Variants in LINGO1 observed in about 807,000 individuals in gnomAD.
LINGO1 encodes the protein leucine-rich repeat and immunoglobulin-like domain-containing nogo receptor-interacting protein 1.
A neutral mutation model predicts 37.3 loss-of-function variants in LINGO1; 11 were observed. That is an observed-to-expected ratio of 0.29 (90% CI 0.19 to 0.49). LINGO1 has a LOEUF of 0.49. Ranked by LOEUF, LINGO1 falls within the 20% of genes least tolerant of loss-of-function variation. The probability of loss-of-function intolerance (pLI) is 0.99; values close to 1 mark genes in which losing one functional copy is unlikely to be tolerated. For synonymous variants in LINGO1, 387 were observed against 403.0 expected, an observed-to-expected ratio of 0.96 and a Z score of 0.48; for missense variants, 585 against 878.2, an observed-to-expected ratio of 0.67 and a Z score of 4.22.
chr15:77,730,816 C>T (rs912424535), intron 2 of LINGO1, among the ~76,000 whole-genome samples: 1 of 152,190 alleles, frequency 6.6e-6, no homozygotes, highest in African/African-American at 2.4e-5. Context: ...GAGGTGTGGC[C>T]CATGCCTCCC....
At chr15:77,633,369 C>T (rs2074327006), upstream of LINGO1, among the ~76,000 whole-genome samples, 2 of 151,750 alleles carry the variant, frequency 1.3e-5, no homozygotes, top group Non-Finnish European at 2.9e-5. Context: ...CGCACGAGGA[C>T]GGACAGGGCT....
upstream of LINGO1, chr15:77,820,662 C>G (rs986050578): frequency 6.6e-6 from 1 of 152,458 alleles, no homozygotes; most frequent in Non-Finnish European, 1.5e-5. Flanking sequence ...TCAGTTTACC[C>G]CCTTTGGGAA....
At chr15:77,760,049 G>A (rs2076459134) in intron 1 of LINGO1, among the ~76,000 whole-genome samples, 1 of 152,230 alleles carries the variant, frequency 6.6e-6, no homozygotes, top group Admixed American at 6.5e-5. Flanking sequence ...CCTGGGTGAC[G>A]ATTCTAAGGA....
intron 1 of LINGO1, among the ~76,000 whole-genome samples, chr15:77,783,341 T>C (rs2076739661): frequency 6.6e-6 from 1 of 151,922 alleles, no homozygotes; most frequent in Admixed American, 6.6e-5. Context: ...GATGAGCGGG[T>C]GAATGAAGGT....
intron 2 of LINGO1, among the ~76,000 whole-genome samples, chr15:77,707,981 C>T (rs998432227): frequency 5.9e-5 from 9 of 152,192 alleles, no homozygotes; most frequent in Admixed American, 1.3e-4. Context: ...AACCAGCCAG[C>T]GGGGAACCCT....
chr15:77,740,546 G>A (rs569584960), intron 1 of LINGO1, among the ~76,000 whole-genome samples: 5 of 152,244 alleles, frequency 3.3e-5, no homozygotes, highest in East Asian at 1.9e-4. Context: ...CACAGGTCAC[G>A]CTGTGGGGCC....
At chr15:77,674,783 C>T (rs1462268524) in intron 3 of LINGO1, among the ~76,000 whole-genome samples, 2 of 151,690 alleles carry the variant, frequency 1.3e-5, no homozygotes, top group Non-Finnish European at 2.9e-5. Flanking sequence ...GATTTTTTTT[C>T]GCCTTAGCAC....
chr15:77,642,304 C>T (rs1319855838), intron 3 of LINGO1, among the ~76,000 whole-genome samples: 1 of 152,206 alleles, frequency 6.6e-6, no homozygotes, highest in African/African-American at 2.4e-5. Context: ...ATGGGGGACC[C>T]CCACCCCCAG....
rs550567140 is a variant in LINGO1, at chr15:77,620,431, A to G, written c.7-4531T>C. Among the ~76,000 whole-genome samples the G allele has an allele frequency of 2.0e-5, 3 of 152,314 alleles. No homozygotes were observed. In the South Asian group the frequency reaches 6.2e-4, roughly 32 times the overall value. ...AGGTCCTAGGCTCTGCGCTGCCCCC[A>G]CAGTGGGAGGGACAGGCTGCTGGCC... On this transcript the variant is annotated intron_variant, in intron 1 of 1. Coordinates refer to ENST00000355300, the MANE Select transcript of LINGO1 (RefSeq NM_032808.7).
Position 77,641,990 on chromosome 15 carries a change from A to G in LINGO1, c.-12-26090T>C, listed in dbSNP as rs1222977970. ...ACCTGCCCTCTCTGAGCCGCTTTCC[A>G]TTCATGCCACCTGGGGATACTCATG... On this transcript the variant is annotated intron_variant, in intron 3 of 3. Coordinates refer to the LINGO1 transcript ENST00000559893. 8.8e-6 allele frequency: 4 copies of G among 456,662 alleles called. 1 individual carries two copies. Among genetic ancestry groups the G allele is most frequent in the South Asian group, 6.2e-5 (4 of 64,566 alleles). The allele number at this position is 456,662 out of a possible 1,614,324, so 28.3% of individuals were successfully genotyped here. A position where few individuals can be genotyped will look rare whatever the true frequency, so the allele number is the denominator to read the frequency against.
chr15:77,735,075 G>A (rs1241779208), intron 1 of LINGO1: 1 of 152,470 alleles, frequency 6.6e-6, no homozygotes, highest in African/African-American at 2.4e-5. Flanking sequence ...CAGCAGGGAA[G>A]AGGTGAGAGG....
rs1221405030 is a variant in LINGO1, at chr15:77,632,752, G to C, written c.-437C>G. Among the ~76,000 whole-genome samples, 4 of 146,018 alleles carry C rather than the reference G, an allele frequency of 2.7e-5. No individual in the cohort carries two copies. The East Asian group carries it at 6.0e-4, about 22-fold the overall frequency. The stretch of plus-strand genomic sequence containing the variant: ...CTGCTCGGCGCCCCGCGTCGGGAGA[G>C]GGGCCGGAGCGGCGCGGGTGGGGAC... On this transcript the variant is annotated 5_prime_UTR_variant, in exon 1 of 2. Coordinates refer to ENST00000355300, the MANE Select transcript of LINGO1 (RefSeq NM_032808.7). The surrounding 1 kb of genome is among the most constrained non-coding windows in gnomAD (Gnocchi z 6.0).
intron 1 of LINGO1, among the ~76,000 whole-genome samples, chr15:77,812,981 C>A (rs999035051): frequency 6.6e-6 from 1 of 152,210 alleles, no homozygotes; most frequent in Non-Finnish European, 1.5e-5. Flanking sequence ...GCCACAGAGG[C>A]CCCAAGGGAG....
intron 2 of LINGO1, among the ~76,000 whole-genome samples, chr15:77,702,000 C>T (rs2075789777): frequency 6.6e-6 from 1 of 152,140 alleles, no homozygotes; most frequent in Non-Finnish European, 1.5e-5. Context: ...ACCCAAGCCA[C>T]CTGGGGGCTG....
chr15:77,756,485 G>GACACACAC lies in LINGO1; in HGVS notation c.-256-21440_-256-21433dup, dbSNP rs35031617. ...ACTGACATACAATGACAGACAGACA[G>GACACACAC]ACACACACACACACACACACACACA... is the stretch of plus-strand genomic sequence containing the variant. On this transcript the variant is annotated intron_variant, in intron 1 of 3. Coordinates refer to the LINGO1 transcript ENST00000561686. Among the ~76,000 whole-genome samples, 586 of 140,780 alleles carry GACACACAC rather than the reference G, an allele frequency of 4.2e-3. 4 individuals carry two copies. Among genetic ancestry groups the GACACACAC allele is most frequent in the African/African-American group, 0.015 (536 of 36,198 alleles). The allele number at this position is 140,780 out of a possible 152,430, so 92.4% of individuals were successfully genotyped here.
intron 2 of LINGO1, among the ~76,000 whole-genome samples, chr15:77,713,684 C>G (rs1375994764): frequency 6.6e-6 from 1 of 152,114 alleles, no homozygotes; most frequent in Non-Finnish European, 1.5e-5. Context: ...GGTTTGTGGA[C>G]TGTGCCAACG....
chr15:77,632,126 GA>G lies in LINGO1; in HGVS notation c.6+183del, dbSNP rs1186839783. Among the ~76,000 whole-genome samples the G allele has an allele frequency of 6.6e-6, 1 of 152,176 alleles. No homozygotes were observed. The highest frequency in any genetic ancestry group is 1.9e-4 in the East Asian group (1 of 5,164). On this transcript the variant is annotated intron_variant, in intron 1 of 1. Coordinates refer to ENST00000355300, the MANE Select transcript of LINGO1 (RefSeq NM_032808.7). The surrounding 1 kb of genome is among the most constrained non-coding windows in gnomAD (Gnocchi z 6.0). ...GTTGGGGTTGGAGAGAGGGGAGGTGGAAAAGGAAGAATTTTCATTTCTGAGG... is the reference window on the plus strand; with the variant it reads ...GTTGGGGTTGGAGAGAGGGGAGGTGGAAAGGAAGAATTTTCATTTCTGAGG...
chr15:77,757,865 A>G (rs1404535983), intron 1 of LINGO1, among the ~76,000 whole-genome samples: 1 of 152,244 alleles, frequency 6.6e-6, no homozygotes, highest in South Asian at 2.1e-4. Flanking sequence ...TAAGGAGCCC[A>G]ACCTCCGGCT....
At chr15:77,703,747 G>A (rs2075814333) in intron 2 of LINGO1, among the ~76,000 whole-genome samples, 1 of 151,464 alleles carries the variant, frequency 6.6e-6, no homozygotes, top group South Asian at 2.1e-4. Context: ...GACAGGCTAT[G>A]CCCAGTCCCC....
Sources: gnomAD v4.1 joint callset for allele counts (sites outside exome capture counted in the v4.1 genomes callset) on GRCh38, gnomAD v4.1.1 for gene constraint, Gnocchi (gnomAD v3.1) non-coding constraint, MANE v1.5 for transcripts, NCBI Gene and HGNC (gene_info 2026-07-23, HGNC 2026-07-21) for gene names.